Variants in CMYA5 observed in about 807,000 individuals in gnomAD.
CMYA5 encodes the protein cardiomyopathy-associated protein 5.
In CMYA5, 246 loss-of-function variants were observed where a neutral mutation model predicts 318.9. The observed-to-expected ratio is 0.77, with a 90% CI of 0.70 to 0.86. The LOEUF is 0.86. Ranked by LOEUF, CMYA5 falls within the 40% of genes least tolerant of loss-of-function variation. CMYA5 has a pLI of 0.00. For missense variants in CMYA5, 4,589 were observed against 4,678.2 expected (o/e 0.98, Z 0.56); for synonymous variants, 1,641 against 1,729.5 (o/e 0.95, Z 1.27).
At chr5:79,748,341 T>A (rs1339522433) in intron 5 of CMYA5, among the ~76,000 whole-genome samples, 1 of 152,126 alleles carries the variant, frequency 6.6e-6, no homozygotes, top group African/African-American at 2.4e-5. Context: ...CCTGTGCAAT[T>A]TGTTTAACCA....
At chr5:79,707,427 G>A (rs1827295320) in intron 1 of CMYA5, among the ~76,000 whole-genome samples, 1 of 152,144 alleles carries the variant, frequency 6.6e-6, no homozygotes, top group Non-Finnish European at 1.5e-5. Context: ...TGAATTCAAT[G>A]AATAATGAAT....
intron 6 of CMYA5, among the ~76,000 whole-genome samples, chr5:79,758,249 T>C (rs1252024869): frequency 6.8e-6 from 1 of 147,188 alleles, no homozygotes; most frequent in Non-Finnish European, 1.5e-5. Context: ...AAAAAAAAAA[T>C]TGGCCGGTGT....
Position 79,739,043 on chromosome 5 carries a change from C to T in CMYA5, c.10278C>T (p.Ser3426=). The T allele has an allele frequency of 6.2e-7, 1 of 1,613,762 alleles. No homozygotes were observed. The highest frequency in any genetic ancestry group is 8.5e-7 in the Non-Finnish European group (1 of 1,179,824). The change falls in exon 2 of 13, where the codon TCC becomes TCT. Residue 3426 remains serine (S), a synonymous_variant. Coordinates refer to ENST00000446378, the MANE Select transcript of CMYA5 (RefSeq NM_153610.5). ...PVQDEYEFTE[S]LHNEVVPQDI... The stretch of plus-strand genomic sequence containing the variant: ...AGGATGAGTATGAATTTACAGAATC[C>T]CTGCATAATGAAGTGGTTCCTCAAG...
chr5:79,729,446 T>C lies in CMYA5; in HGVS notation c.681T>C (p.Tyr227=), dbSNP rs778700633. 5.0e-6 allele frequency: 8 copies of C among 1,612,826 alleles called. 1 individual carries two copies. The highest frequency in any genetic ancestry group is 2.2e-5 in the South Asian group (2 of 90,890). The change falls in exon 2 of 13, where the codon TAT becomes TAC. Residue 227 remains tyrosine (Y), a synonymous_variant. Transcript: ENST00000446378. ...CAGTCTACATAGGAACAGTACAATA[T>C]AAAATTAAGATGTTTAATTCGGTTA... is the stretch of plus-strand genomic sequence containing the variant. ...LRPVYIGTVQ[Y]KIKMFNSVKE...
intron 9 of CMYA5, among the ~76,000 whole-genome samples, chr5:79,770,911 G>A (rs902127940): frequency 6.6e-6 from 1 of 151,940 alleles, no homozygotes; most frequent in Non-Finnish European, 1.5e-5. Flanking sequence ...TATCGGGTGG[G>A]GGACGTTTTG....
chr5:79,786,165 C>T (rs1829078122), intron 9 of CMYA5, among the ~76,000 whole-genome samples: 1 of 152,226 alleles, frequency 6.6e-6, no homozygotes, highest in Non-Finnish European at 1.5e-5. Context: ...GGGCACAATG[C>T]TCTGTGATAA....
chr5:79,745,688 C>G (rs1828309711), intron 4 of CMYA5, among the ~76,000 whole-genome samples: 1 of 152,210 alleles, frequency 6.6e-6, no homozygotes, highest in Non-Finnish European at 1.5e-5. Flanking sequence ...AAGAGACAGC[C>G]TGCAGCATCA....
rs956586223 is a variant in CMYA5, at chr5:79,723,201, G to C, written c.150-5714G>C. ...CACGCCTGTAATCCTAGCACTTTGAGAGGCCGAGGTGGGTGCATCATGAGG... is the reference window on the plus strand; with the variant it reads ...CACGCCTGTAATCCTAGCACTTTGACAGGCCGAGGTGGGTGCATCATGAGG... On this transcript the variant is annotated intron_variant, in intron 1 of 12. Coordinates refer to ENST00000446378, the MANE Select transcript of CMYA5 (RefSeq NM_153610.5). Among the ~76,000 whole-genome samples, 11 of 152,146 alleles carry C rather than the reference G, an allele frequency of 7.2e-5. No individual in the cohort carries two copies. The East Asian group carries it at 1.5e-3, about 21-fold the overall frequency.
rs768433148 is a variant in CMYA5 at position 79,735,903 on chromosome 5, G to A, written c.7138G>A (p.Val2380Ile). The A allele has an allele frequency of 1.0e-5, 16 of 1,593,798 alleles. No individual in the cohort carries two copies. The highest frequency in any genetic ancestry group is 3.4e-6 in the Non-Finnish European group (4 of 1,174,570). ...QKQKSLLSFD[V>I]VDKVPQQPKS... is the part of the protein sequence containing the mutation. Reference sequence around the variant, plus strand: ...ACAAAAATCACTCCTTTCATTTGATGTAGTAGATAAGGTGCCACAACAGCC... The same window carrying A: ...ACAAAAATCACTCCTTTCATTTGATATAGTAGATAAGGTGCCACAACAGCC... Residue 2380 changes from valine to isoleucine, a missense_variant, in exon 2 of 13, where the codon GTA (valine) becomes ATA (isoleucine). Physicochemically the swap from Val to Ile is conservative, Grantham distance 29. Transcript: ENST00000446378.
chr5:79,778,354 T>C (rs1313422163), intron 9 of CMYA5, among the ~76,000 whole-genome samples: 1 of 152,232 alleles, frequency 6.6e-6, no homozygotes, highest in Non-Finnish European at 1.5e-5. Flanking sequence ...CTATAGAGGT[T>C]GTAGTTGTTT....
rs1402638048 is a variant in CMYA5 at position 79,758,832 on chromosome 5, C to T, written c.11190C>T (p.Asn3730=). The T allele has an allele frequency of 6.2e-7, 1 of 1,603,646 alleles. No homozygotes were observed. Among genetic ancestry groups the T allele is most frequent in the Non-Finnish European group, 8.5e-7 (1 of 1,175,066 alleles). The change falls in exon 7 of 13, where the codon AAC becomes AAT. Residue 3730 remains asparagine, a synonymous_variant. Transcript: ENST00000446378. ...CAATTGCAGTTTACTGGAGCATGAACAAGGAAGATGTCATTGATTCATTTC... is the reference window on the plus strand; with the variant it reads ...CAATTGCAGTTTACTGGAGCATGAATAAGGAAGATGTCATTGATTCATTTC... ...STTIAVYWSM[N]KEDVIDSFQV... is the part of the protein sequence containing the mutation.
At chr5:79,752,567 T>C (rs567349312) in intron 5 of CMYA5, 109 bp from the exon 6 acceptor site, 3 of 669,422 alleles carry the variant, frequency 4.5e-6, no homozygotes, top group Non-Finnish European at 7.6e-6. Flanking sequence ...AGGCCCTGCC[T>C]TATGCAAACC....
At chr5:79,699,803 C>T (rs942427040) in intron 1 of CMYA5, among the ~76,000 whole-genome samples, 2 of 152,178 alleles carry the variant, frequency 1.3e-5, no homozygotes, top group African/African-American at 4.8e-5. Flanking sequence ...CAGAGTTAAC[C>T]GTGTTGACTT....
intron 6 of CMYA5, among the ~76,000 whole-genome samples, chr5:79,756,095 A>G (rs1376467344): frequency 6.6e-6 from 1 of 152,176 alleles, no homozygotes; most frequent in Non-Finnish European, 1.5e-5. Context: ...CCTTTCATAG[A>G]CCTGGGTAAC....
At chr5:79,728,186 C>G (rs1827785796) in intron 1 of CMYA5, among the ~76,000 whole-genome samples, 1 of 152,122 alleles carries the variant, frequency 6.6e-6, no homozygotes, top group African/African-American at 2.4e-5. Flanking sequence ...TATCATGACT[C>G]AGAGTTCCCA....
In CMYA5 at chr5:79,730,472, A is replaced by C. The variant is rs1440822681; in HGVS notation, c.1707A>C (p.Ala569=). 6.2e-7 allele frequency: 1 copy of C among 1,613,928 alleles called. No individual in the cohort carries two copies. The highest frequency in any genetic ancestry group is 2.2e-5 in the East Asian group (1 of 44,882). ...EEELILPLLA[A]SSPEHVALSE... ...AGCTTATTCTACCATTATTGGCAGC[A>C]TCATCTCCTGAACATGTTGCTTTGT... Residue 569 remains alanine, a synonymous_variant, in exon 2 of 13, where the codon GCA becomes GCC. Transcript: ENST00000446378.
rs140497473 is a variant in CMYA5, at chr5:79,726,146, C to T, written c.150-2769C>T. ...GGGCTCTCCTGTCTTGTGACCACCA[C>T]GTGTGTTCTCTCCTCAGCACTCATG... On this transcript the variant is annotated intron_variant, in intron 1 of 12. Transcript: ENST00000446378. 4.2e-3 allele frequency among the ~76,000 whole-genome samples: 647 copies of T among 152,296 alleles called. 25 individuals carry two copies. Among genetic ancestry groups the T allele is most frequent in the Admixed American group, 0.038 (576 of 15,298 alleles).
At position 79,761,282 on chromosome 5, in the gene CMYA5, G is replaced by A. The variant is rs1415551998; in HGVS notation, c.11261-529G>A. On this transcript the variant is annotated intron_variant, in intron 7 of 12. Transcript: ENST00000446378. Reference sequence around the variant, plus strand: ...TTATTTAAGTATTTCTATAAATTGTGGAAATCCCTAGTGGAAAGAATTCTG... The same window carrying A: ...TTATTTAAGTATTTCTATAAATTGTAGAAATCCCTAGTGGAAAGAATTCTG... Among the ~76,000 whole-genome samples, 6 of 152,104 alleles carry A rather than the reference G, an allele frequency of 3.9e-5. No individual in the cohort carries two copies. The East Asian group carries it at 1.2e-3, about 29-fold the overall frequency.
chr5:79,736,299 G>A lies in CMYA5; in HGVS notation c.7534G>A (p.Ala2512Thr). ...STELKESKADAMPQHFYQNED... is the reference protein window; with the variant it reads ...STELKESKADTMPQHFYQNED... ...TGAACTGAAAGAATCAAAAGCCGAT[G>A]CTATGCCACAGCACTTCTATCAAAA... The change falls in exon 2 of 13, where the codon GCT becomes ACT. Residue 2512 changes from alanine (A) to threonine (T), a missense_variant. Physicochemically the swap from Ala to Thr is moderately conservative, Grantham distance 58. Transcript: ENST00000446378. The A allele has an allele frequency of 6.2e-7, 1 of 1,613,452 alleles. No homozygotes were observed. Among genetic ancestry groups the A allele is most frequent in the Non-Finnish European group, 8.5e-7 (1 of 1,179,746 alleles).
Sources: allele counts gnomAD v4.1 joint callset (sites outside exome capture counted in the v4.1 genomes callset), GRCh38; gene constraint gnomAD v4.1.1; transcripts MANE v1.5; gene names NCBI Gene and HGNC (gene_info 2026-07-23, HGNC 2026-07-21).